The following COL25A1 variants were observed in gnomAD, a reference collection of about 807,000 sequenced individuals.
COL25A1 encodes collagen type XXV alpha 1 chain.
COL25A1 carries 103 observed loss-of-function variants against 128.4 expected under a neutral mutation model. That is an observed-to-expected ratio of 0.80 (90% CI 0.68 to 0.94). The LOEUF (loss-of-function observed/expected upper bound fraction) is 0.94. Ranked by LOEUF, COL25A1 falls within the 40% of genes least tolerant of loss-of-function variation. The pLI is 0.00. For synonymous variants in COL25A1, 279 were observed against 277.2 expected (o/e 1.01, Z -0.06); for missense variants, 745 against 840.0 (o/e 0.89, Z 1.40).
chr4:108,849,558 G>C (rs578125184), intron 26 of COL25A1, among the ~76,000 whole-genome samples: 1 of 152,040 alleles, frequency 6.6e-6, no homozygotes, highest in Admixed American at 6.6e-5. Context: ...AAAGTTAATC[G>C]AACAGCAAAT....
chr4:109,254,693 G>A (rs764121384), intron 3 of COL25A1, among the ~76,000 whole-genome samples: 3 of 151,240 alleles, frequency 2.0e-5, no homozygotes, highest in African/African-American at 4.9e-5. Flanking sequence ...GTAAATTTTG[G>A]TTAAATTGAG....
intron 6 of COL25A1, among the ~76,000 whole-genome samples, chr4:108,986,218 T>G (rs569679328): frequency 9.2e-5 from 14 of 152,290 alleles, no homozygotes; most frequent in Non-Finnish European, 1.9e-4. Flanking sequence ...CAGATTAATT[T>G]TTCTAAAGCA....
At chr4:108,956,165 C>G (rs1234861574) in intron 8 of COL25A1, among the ~76,000 whole-genome samples, 2 of 152,046 alleles carry the variant, frequency 1.3e-5, no homozygotes, top group Non-Finnish European at 2.9e-5. Context: ...TAACAGAATA[C>G]TAATTTTATT....
chr4:109,047,384 G>A (rs1025452873), intron 5 of COL25A1, among the ~76,000 whole-genome samples: 4 of 152,046 alleles, frequency 2.6e-5, no homozygotes, highest in African/African-American at 7.2e-5. Context: ...AAAAATAAAC[G>A]TTTTTCATCA....
intron 8 of COL25A1, among the ~76,000 whole-genome samples, chr4:108,942,528 C>T (rs1166447643): frequency 1.3e-5 from 2 of 151,970 alleles, no homozygotes; most frequent in African/African-American, 4.8e-5. Context: ...ACTGCAACCT[C>T]CACCTCCCAG....
intron 3 of COL25A1, among the ~76,000 whole-genome samples, chr4:109,066,619 G>A (rs1286400390): frequency 3.3e-5 from 5 of 152,156 alleles, no homozygotes; most frequent in Non-Finnish European, 7.3e-5. Flanking sequence ...GATACTTGGT[G>A]AACCTATGGA....
At chr4:109,014,216 AG>A (rs1250554682) in intron 5 of COL25A1, among the ~76,000 whole-genome samples, 1 of 152,096 alleles carries the variant, frequency 6.6e-6, no homozygotes, top group Non-Finnish European at 1.5e-5. Flanking sequence ...CTGAGGTGAG[AG>A]AATCACTTGA....
At chr4:109,235,931 C>T (rs1242800832) in intron 3 of COL25A1, among the ~76,000 whole-genome samples, 1 of 152,036 alleles carries the variant, frequency 6.6e-6, no homozygotes, top group African/African-American at 2.4e-5. Flanking sequence ...TAGGTGGAAT[C>T]TCCCTGTGAC....
rs150925276 is a variant in COL25A1 at position 109,279,244 on chromosome 4, T to C, written c.367+21339A>G. On this transcript the variant is annotated intron_variant, in intron 3 of 37. Transcript: ENST00000399132. Reference sequence around the variant, plus strand: ...TATATGGCTTACTGTAAGATTTTCATAGTCAAGGACCCAGGAATGCAACAG... The same window carrying C: ...TATATGGCTTACTGTAAGATTTTCACAGTCAAGGACCCAGGAATGCAACAG... Among the ~76,000 whole-genome samples the C allele has an allele frequency of 6.7e-3, 1,022 of 152,286 alleles. 9 individuals are homozygous for C. The highest frequency in any genetic ancestry group is 0.012 in the Non-Finnish European group (802 of 68,032).
chr4:109,162,191 G>C (rs1444578167), intron 3 of COL25A1, among the ~76,000 whole-genome samples: 1 of 152,172 alleles, frequency 6.6e-6, no homozygotes, highest in Non-Finnish European at 1.5e-5. Flanking sequence ...CCCGTAGAAG[G>C]TTTTGCATCA....
At chr4:108,875,544 T>C (rs1191438309) in intron 19 of COL25A1, among the ~76,000 whole-genome samples, 3 of 152,110 alleles carry the variant, frequency 2.0e-5, no homozygotes, top group Non-Finnish European at 4.4e-5. Context: ...ATGGCAATCA[T>C]TAAAAAGTCA....
At chr4:108,887,328 T>C (rs1260157990) in intron 18 of COL25A1, among the ~76,000 whole-genome samples, 1 of 152,136 alleles carries the variant, frequency 6.6e-6, no homozygotes, top group Non-Finnish European at 1.5e-5. Flanking sequence ...GAGAGGAAAA[T>C]GCCGTGGAAG....
chr4:109,136,314 G>A (rs1327938541), intron 3 of COL25A1, among the ~76,000 whole-genome samples: 1 of 152,112 alleles, frequency 6.6e-6, no homozygotes, highest in African/African-American at 2.4e-5. Context: ...CATGAGAATC[G>A]CTTAAGCCTG....
intron 8 of COL25A1, among the ~76,000 whole-genome samples, chr4:108,970,454 AAATTATATATATACTGTTACAT>A (rs1751790158): frequency 6.6e-6 from 1 of 152,212 alleles, no homozygotes; most frequent in Non-Finnish European, 1.5e-5. Context: ...TGACAAATAC[AAATTATATATATACTGTTACAT>A]ATGTTGTTTT....
At chr4:109,095,798 G>A (rs1274602647) in intron 3 of COL25A1, among the ~76,000 whole-genome samples, 1 of 152,174 alleles carries the variant, frequency 6.6e-6, no homozygotes, top group African/African-American at 2.4e-5. Flanking sequence ...TTACTTACTA[G>A]AGGCACTTAT....
At chr4:108,930,552 T>G (rs954123389) in intron 11 of COL25A1, among the ~76,000 whole-genome samples, 2 of 152,156 alleles carry the variant, frequency 1.3e-5, no homozygotes, top group African/African-American at 4.8e-5. Context: ...ATAGATGAAA[T>G]TTGGTCCTGT....
chr4:109,029,247 C>G (rs1055728779), intron 5 of COL25A1, among the ~76,000 whole-genome samples: 1 of 152,152 alleles, frequency 6.6e-6, no homozygotes, highest in Non-Finnish European at 1.5e-5. Flanking sequence ...AGTTGCACAC[C>G]ATTCTGAGTA....
At chr4:108,950,224 G>A (rs1749250503) in intron 8 of COL25A1, among the ~76,000 whole-genome samples, 1 of 152,114 alleles carries the variant, frequency 6.6e-6, no homozygotes, top group African/African-American at 2.4e-5. Flanking sequence ...AAAATACCTA[G>A]AAAGACACTC....
At chr4:108,897,938 G>T (rs1183589631) in intron 15 of COL25A1, among the ~76,000 whole-genome samples, 2 of 151,702 alleles carry the variant, frequency 1.3e-5, no homozygotes, top group African/African-American at 4.8e-5. Flanking sequence ...ATGAACGCCT[G>T]GTATGGTGCT....
Sources: allele counts gnomAD v4.1 joint callset (sites outside exome capture counted in the v4.1 genomes callset), GRCh38; gene constraint gnomAD v4.1.1; transcripts MANE v1.5; gene names NCBI Gene and HGNC (gene_info 2026-07-23, HGNC 2026-07-21).